The following TRAPPC8 variants were observed in gnomAD, a reference collection of about 807,000 sequenced individuals.
The protein encoded by TRAPPC8 is trafficking protein particle complex subunit 8, also known as general sporulation gene 1 homolog.
TRAPPC8 carries 54 observed loss-of-function variants against 174.3 expected under a neutral mutation model. The observed-to-expected ratio is 0.31, with a 90% confidence interval of 0.25 to 0.39. The LOEUF (loss-of-function observed/expected upper bound fraction) is 0.39. Among genes scored for constraint, TRAPPC8 ranks in the 10% least tolerant of loss-of-function variants. The pLI is 1.00. For missense variants in TRAPPC8, 1,531 were observed against 1,699.1 expected, an observed-to-expected ratio of 0.90 and a Z score of 1.74; for synonymous variants, 630 against 579.9, an observed-to-expected ratio of 1.09 and a Z score of -1.24.
chr18:31,857,013 T>C (rs2034056656), intron 20 of TRAPPC8, among the ~76,000 whole-genome samples: 1 of 152,088 alleles, frequency 6.6e-6, no homozygotes, highest in Non-Finnish European at 1.5e-5. Flanking sequence ...AAAATATAGG[T>C]CATAGATCCT....
chr18:31,880,205 A>C (rs975240977), intron 12 of TRAPPC8, among the ~76,000 whole-genome samples: 1 of 149,506 alleles, frequency 6.7e-6, no homozygotes, highest in South Asian at 2.1e-4. Flanking sequence ...ACACACAAAA[A>C]GAAAACAAGT....
intron 12 of TRAPPC8, among the ~76,000 whole-genome samples, chr18:31,880,045 C>A (rs1350166355): frequency 4.6e-5 from 5 of 108,764 alleles, no homozygotes; most frequent in Non-Finnish European, 5.4e-5. Flanking sequence ...ACCATATGCA[C>A]AAAGAAGAGC....
At chr18:31,915,803 C>T (rs1037185931) in intron 4 of TRAPPC8, among the ~76,000 whole-genome samples, 19 of 150,232 alleles carry the variant, frequency 1.3e-4, no homozygotes, top group African/African-American at 4.4e-4. Flanking sequence ...AGGAGAATGG[C>T]GTGAACCCAG....
At position 31,829,484 on chromosome 18, in the gene TRAPPC8, AAAGCCAGAGACCCACTTAAGATCCAG is replaced by A. The variant is rs1238549760; in HGVS notation, c.*1245_*1270del. ...TAAGACACAGAGTGGAAGGAGCTGA[AAAGCCAGAGACCCACTTAAGATCCAG>A]AAGCATAAGCAGCAGTTGCAGAGAG... On this transcript the variant is annotated 3_prime_UTR_variant, in exon 29 of 29. Transcript: ENST00000283351. 1 of 152,268 alleles carries A rather than the reference AAAGCCAGAGACCCACTTAAGATCCAG, an allele frequency of 6.6e-6. No homozygotes were observed. Among genetic ancestry groups the A allele is most frequent in the African/African-American group, 2.4e-5 (1 of 41,444 alleles). 9.4% of individuals were successfully genotyped at this position (152,268 alleles called of 1,614,324 possible).
intron 12 of TRAPPC8, among the ~76,000 whole-genome samples, chr18:31,881,251 C>A (rs1356437186): frequency 1.3e-5 from 2 of 152,056 alleles, no homozygotes; most frequent in Non-Finnish European, 2.9e-5. Flanking sequence ...CACTACAAGG[C>A]TATAGTAACC....
chr18:31,856,159 C>T (rs1172971495), intron 20 of TRAPPC8, among the ~76,000 whole-genome samples: 2 of 151,788 alleles, frequency 1.3e-5, no homozygotes, highest in Non-Finnish European at 2.9e-5. Flanking sequence ...GGTGGGAGTG[C>T]AGTGGGGTGA....
chr18:31,907,629 A>G lies in TRAPPC8; in HGVS notation c.1239-19T>C, dbSNP rs955686698. On this transcript the variant is annotated intron_variant, in intron 8 of 28. Transcript: ENST00000283351. ...CGGATACCTGTAAATACAAAAGAAA[A>G]TAATTTATAATTTATTACCCCCCAA... 5 of 1,555,552 alleles carry G rather than the reference A, an allele frequency of 3.2e-6. No homozygotes were observed. Among genetic ancestry groups the G allele is most frequent in the East Asian group, 4.7e-5 (2 of 42,150 alleles).
rs567798819 is a variant in TRAPPC8, at chr18:31,859,964, C to A, written c.2746-1982G>T. Among the ~76,000 whole-genome samples, 4 of 150,424 alleles carry A rather than the reference C, an allele frequency of 2.7e-5. No individual in the cohort carries two copies. In the East Asian group the frequency reaches 5.8e-4, roughly 22 times the overall value. On this transcript the variant is annotated intron_variant, in intron 19 of 28. Transcript: ENST00000283351. ...CTGGGAGGCAGAGGTTGCAGTGAGC[C>A]GAGATTGCGCCACTGCACTCCAGCC...
intron 6 of TRAPPC8, among the ~76,000 whole-genome samples, chr18:31,909,278 TAAAG>T (rs1183741458): frequency 6.6e-6 from 1 of 151,868 alleles, no homozygotes; most frequent in Non-Finnish European, 1.5e-5. Context: ...TTAAATAATA[TAAAG>T]AATGACTTTT....
chr18:31,859,406 C>G lies in TRAPPC8; in HGVS notation c.2746-1424G>C, dbSNP rs1470595648. 2.0e-5 allele frequency among the ~76,000 whole-genome samples: 3 copies of G among 152,056 alleles called. No homozygotes were observed. In the South Asian group the frequency reaches 6.2e-4, roughly 32 times the overall value. On this transcript the variant is annotated intron_variant, in intron 19 of 28. Coordinates refer to ENST00000283351, the MANE Select transcript of TRAPPC8 (RefSeq NM_014939.5). ...AGATTTAATAGGATAAAAAAATAAGCTAGACATAGCATTATACTGAAGACA... is the reference window on the plus strand; with the variant it reads ...AGATTTAATAGGATAAAAAAATAAGGTAGACATAGCATTATACTGAAGACA...
intron 17 of TRAPPC8, 86 bp from the exon 18 acceptor site, chr18:31,867,061 T>C: frequency 1.4e-6 from 2 of 1,402,942 alleles, no homozygotes; most frequent in Non-Finnish European, 1.9e-6. Flanking sequence ...TGCAAAAACA[T>C]AAACTCATGA....
At chr18:31,895,324 A>G (rs1258124383) in intron 11 of TRAPPC8, among the ~76,000 whole-genome samples, 2 of 152,166 alleles carry the variant, frequency 1.3e-5, no homozygotes, top group African/African-American at 4.8e-5. Flanking sequence ...ATGCCTAATA[A>G]TCATTAGTCT....
rs1239187805 is a variant in TRAPPC8, at chr18:31,866,925, T to A, written c.2514A>T (p.Gly838=). The A allele has an allele frequency of 2.5e-6, 4 of 1,613,552 alleles. No individual in the cohort carries two copies. Reference sequence around the variant, plus strand: ...GAATAGTGCCAAGATTATAAACAACTCCCAGAATATGCAGCTCCCCTATGT... The same window carrying A: ...GAATAGTGCCAAGATTATAAACAACACCCAGAATATGCAGCTCCCCTATGT... ...PHHIGELHIL[G]VVYNLGTIQG... The change falls in exon 18 of 29, where the codon GGA becomes GGT. Residue 838 remains glycine (G), a synonymous_variant. Coordinates refer to ENST00000283351, the MANE Select transcript of TRAPPC8 (RefSeq NM_014939.5).
At chr18:31,867,318 A>G in intron 17 of TRAPPC8, 84 bp downstream of exon 17, 1 of 993,838 alleles carries the variant, frequency 1.0e-6, no homozygotes, top group Non-Finnish European at 1.5e-6. Flanking sequence ...AGAATATAAA[A>G]TAAACTGAAT....
chr18:31,872,762 A>G (rs535917313), intron 14 of TRAPPC8, among the ~76,000 whole-genome samples: 1 of 152,142 alleles, frequency 6.6e-6, no homozygotes, highest in Non-Finnish European at 1.5e-5. Flanking sequence ...CAGTCTATAT[A>G]TATCAAGTGG....
intron 22 of TRAPPC8, among the ~76,000 whole-genome samples, chr18:31,853,415 C>G (rs1441000165): frequency 6.6e-6 from 1 of 152,048 alleles, no homozygotes; most frequent in Non-Finnish European, 1.5e-5. Context: ...TTACAGGCGC[C>G]TGCCACCACG....
chr18:31,897,836 G>C lies in TRAPPC8; in HGVS notation c.1546C>G (p.Gln516Glu), dbSNP rs1376583635. 1.2e-6 allele frequency: 2 copies of C among 1,611,222 alleles called. No individual in the cohort carries two copies. Among genetic ancestry groups the C allele is most frequent in the Non-Finnish European group, 1.7e-6 (2 of 1,178,350 alleles). ...VLLSAELLKSQSKYSEAAALL... is the reference protein window; with the variant it reads ...VLLSAELLKSESKYSEAAALL... ...GCTGCAGCCTCTGAATATTTGCTTT[G>C]GCTTTTTAAAAGTTCAGCACTAAGC... is the stretch of plus-strand genomic sequence containing the variant. Residue 516 changes from glutamine to glutamate, a missense_variant, in exon 11 of 29, where the codon CAA (glutamine) becomes GAA (glutamate). Coordinates refer to ENST00000283351, the MANE Select transcript of TRAPPC8 (RefSeq NM_014939.5).
In TRAPPC8 at chr18:31,935,548, TA is replaced by T. The variant is rs10650702; in HGVS notation, c.158-4026del. ...GGGCAACAAGAGCGAAACTCCATCT[TA>T]AAAAAAAAAAAAAAAAAAAGCAGGC... On this transcript the variant is annotated intron_variant, in intron 1 of 28. Coordinates refer to ENST00000283351, the MANE Select transcript of TRAPPC8 (RefSeq NM_014939.5). 2.7e-3 allele frequency among the ~76,000 whole-genome samples: 124 copies of T among 46,284 alleles called. 8 individuals are homozygous for T. Among genetic ancestry groups the T allele is most frequent in the African/African-American group, 0.012 (112 of 9,036 alleles). 30.4% of individuals were successfully genotyped at this position (46,284 alleles called of 152,430 possible).
intron 17 of TRAPPC8, among the ~76,000 whole-genome samples, 153 bp from the exon 18 acceptor site, chr18:31,867,128 G>A (rs561953915): frequency 1.3e-5 from 2 of 152,254 alleles, no homozygotes; most frequent in East Asian, 1.9e-4. Context: ...AAAAGAAAAT[G>A]TCTAAATTTA....
Sources: allele counts gnomAD v4.1 joint callset (sites outside exome capture counted in the v4.1 genomes callset), GRCh38; gene constraint gnomAD v4.1.1; transcripts MANE v1.5; gene names NCBI Gene and HGNC (gene_info 2026-07-23, HGNC 2026-07-21).